The following CNBD1 variants were observed in gnomAD, a reference collection of about 807,000 sequenced individuals.
The protein encoded by CNBD1 is cyclic nucleotide-binding domain-containing protein 1.
CNBD1 carries 71 observed loss-of-function variants against 54.4 expected under a neutral mutation model. The ratio of observed to expected loss-of-function variants is 1.30; its 90% CI spans 1.08 to 1.59. The LOEUF (loss-of-function observed/expected upper bound fraction) is 1.59. CNBD1 is among the 40% of genes most tolerant of loss of function. The probability of loss-of-function intolerance (pLI) is 0.00; values close to 1 mark genes in which losing one functional copy is unlikely to be tolerated. For missense variants in CNBD1, 659 were observed against 518.0 expected, an observed-to-expected ratio of 1.27 and a Z score of -2.64; for synonymous variants, 182 against 170.7, an observed-to-expected ratio of 1.07 and a Z score of -0.51.
rs1809658679 is a variant in CNBD1 at position 86,941,667 on chromosome 8, A to AG, written c.431+1915dup. 2.0e-5 allele frequency among the ~76,000 whole-genome samples: 3 copies of AG among 152,340 alleles called. No individual in the cohort carries two copies. The East Asian group carries it at 5.8e-4, about 29-fold the overall frequency. ...CAGGAGGTAAATCTAGGTCAATGTC[A>AG]GGATGGAAACTACAAATGGGTAAGA... On this transcript the variant is annotated intron_variant, in intron 4 of 10. Coordinates refer to ENST00000518476, the MANE Select transcript of CNBD1 (RefSeq NM_173538.3).
At chr8:87,147,320 AT>A (rs896591687) in intron 4 of CNBD1, among the ~76,000 whole-genome samples, 1 of 151,972 alleles carries the variant, frequency 6.6e-6, no homozygotes, top group Admixed American at 6.6e-5. Context: ...CCTCATCACT[AT>A]TTTTCACACA....
intron 6 of CNBD1, among the ~76,000 whole-genome samples, chr8:87,237,809 C>A: frequency 6.6e-6 from 1 of 152,014 alleles, no homozygotes; most frequent in African/African-American, 2.4e-5. Context: ...AAATCCAGAA[C>A]TAATATCATA....
At position 87,299,534 on chromosome 8, in the gene CNBD1, T is replaced by C. The variant is rs1808944179; in HGVS notation, c.1042+12863T>C. Among the ~76,000 whole-genome samples, 4 of 152,296 alleles carry C rather than the reference T, an allele frequency of 2.6e-5. No individual in the cohort carries two copies. In the South Asian group the frequency reaches 8.3e-4, roughly 32 times the overall value. On this transcript the variant is annotated intron_variant, in intron 8 of 10. Coordinates refer to ENST00000518476, the MANE Select transcript of CNBD1 (RefSeq NM_173538.3). Reference sequence around the variant, plus strand: ...TAAATGAAATAAGTCTTTGGGAACATGCAGTCCTGAATTAGATCCAAATGC... The same window carrying C: ...TAAATGAAATAAGTCTTTGGGAACACGCAGTCCTGAATTAGATCCAAATGC...
At chr8:86,968,084 G>T (rs1212086065) in intron 4 of CNBD1, among the ~76,000 whole-genome samples, 1 of 152,052 alleles carries the variant, frequency 6.6e-6, no homozygotes, top group Non-Finnish European at 1.5e-5. Flanking sequence ...GGCTAGAGTG[G>T]GTTGAAGTTG....
At position 87,261,140 on chromosome 8, in the gene CNBD1, C is replaced by T. The variant is rs558784429; in HGVS notation, c.772-23538C>T. 2.4e-4 allele frequency among the ~76,000 whole-genome samples: 36 copies of T among 152,238 alleles called. 1 individual carries two copies. In the South Asian group the frequency reaches 5.0e-3, roughly 21 times the overall value. On this transcript the variant is annotated intron_variant, in intron 6 of 10. Coordinates refer to ENST00000518476, the MANE Select transcript of CNBD1 (RefSeq NM_173538.3). ...TTAATTCCCAAATACAATTTGTTCC[C>T]GGACCCAGTCCAGTTTCTATCATGA...
intron 1 of CNBD1, among the ~76,000 whole-genome samples, chr8:86,879,852 A>T (rs1189828143): frequency 6.8e-6 from 1 of 147,230 alleles, no homozygotes; most frequent in Non-Finnish European, 1.5e-5. Context: ...AGCCTGGGCG[A>T]CAGAGCGAGA....
rs567735428 is a variant in CNBD1 at position 87,263,395 on chromosome 8, A to T, written c.772-21283A>T. On this transcript the variant is annotated intron_variant, in intron 6 of 10. Transcript: ENST00000518476. The stretch of plus-strand genomic sequence containing the variant: ...GTATGCATAATTTGAATTGGGCAAC[A>T]TGTATAGCTAGTTGAATACATTATT... Among the ~76,000 whole-genome samples the T allele has an allele frequency of 1.4e-4, 21 of 152,254 alleles. 1 individual carries two copies. The South Asian group carries it at 4.4e-3, about 32-fold the overall frequency.
chr8:87,031,826 CA>C (rs1393030702), intron 4 of CNBD1, among the ~76,000 whole-genome samples: 1 of 152,100 alleles, frequency 6.6e-6, no homozygotes, highest in African/African-American at 2.4e-5. Flanking sequence ...CCATAAACTC[CA>C]CCCCCCAGGT....
At chr8:86,953,738 G>C (rs1487075014) in intron 4 of CNBD1, among the ~76,000 whole-genome samples, 1 of 152,016 alleles carries the variant, frequency 6.6e-6, no homozygotes, top group Non-Finnish European at 1.5e-5. Flanking sequence ...ATGATGGTGG[G>C]TGCCTGTAAT....
chr8:87,333,190 T>C lies in CNBD1; in HGVS notation c.1043-18495T>C, dbSNP rs191042259. On this transcript the variant is annotated intron_variant, in intron 8 of 10. Coordinates refer to ENST00000518476, the MANE Select transcript of CNBD1 (RefSeq NM_173538.3). ...TCTCTGCTTGTTGATTGTTGATGTATAGGAATGCTTGTCATTTTTGCACAT... is the reference window on the plus strand; with the variant it reads ...TCTCTGCTTGTTGATTGTTGATGTACAGGAATGCTTGTCATTTTTGCACAT... 3.0e-3 allele frequency among the ~76,000 whole-genome samples: 451 copies of C among 152,266 alleles called. 2 individuals carry two copies. The highest frequency in any genetic ancestry group is 0.01 in the African/African-American group (419 of 41,532).
At chr8:86,929,461 T>C (rs1809420127) in intron 3 of CNBD1, among the ~76,000 whole-genome samples, 1 of 152,218 alleles carries the variant, frequency 6.6e-6, no homozygotes. Flanking sequence ...TAACCTGCCC[T>C]TCATATCCCA....
chr8:86,975,728 C>T (rs762976003), intron 4 of CNBD1, among the ~76,000 whole-genome samples: 9 of 151,912 alleles, frequency 5.9e-5, no homozygotes, highest in Non-Finnish European at 1.0e-4. Context: ...GATTTCCATT[C>T]CGTTGGAGAT....
At chr8:87,248,378 C>T (rs1729956675) in intron 6 of CNBD1, among the ~76,000 whole-genome samples, 1 of 152,206 alleles carries the variant, frequency 6.6e-6, no homozygotes, top group African/African-American at 2.4e-5. Flanking sequence ...CAACCTTCAC[C>T]AGTAGTAAAA....
At chr8:86,957,761 T>G (rs879866672) in intron 4 of CNBD1, among the ~76,000 whole-genome samples, 1 of 152,180 alleles carries the variant, frequency 6.6e-6, no homozygotes, top group Non-Finnish European at 1.5e-5. Flanking sequence ...TCAATTTTGT[T>G]GATCTTTTCA....
In CNBD1 at chr8:87,427,657, T is replaced by C. The variant is rs115827675; in HGVS notation, c.214-889T>C. On this transcript the variant is annotated intron_variant, in intron 2 of 7. Coordinates refer to the CNBD1 transcript ENST00000521593. ...TGTTTATATAAATAATTTAAAATGC[T>C]TTCATCACAAGTAAAAAGTGAAGTA... Among the ~76,000 whole-genome samples the C allele has an allele frequency of 9.7e-3, 1,482 of 152,330 alleles. 21 individuals are homozygous for C. Among genetic ancestry groups the C allele is most frequent in the African/African-American group, 0.033 (1,367 of 41,590 alleles).
chr8:87,024,313 T>C (rs1182021532), intron 4 of CNBD1, among the ~76,000 whole-genome samples: 1 of 151,320 alleles, frequency 6.6e-6, no homozygotes, highest in African/African-American at 2.4e-5. Context: ...TTTTTAAAAT[T>C]TATTTTATTT....
chr8:87,157,240 T>A lies in CNBD1; in HGVS notation c.432-48753T>A, dbSNP rs1424108808. 2.6e-5 allele frequency among the ~76,000 whole-genome samples: 4 copies of A among 152,352 alleles called. No homozygotes were observed. In the East Asian group the frequency reaches 7.7e-4, roughly 29 times the overall value. On this transcript the variant is annotated intron_variant, in intron 4 of 10. Coordinates refer to ENST00000518476, the MANE Select transcript of CNBD1 (RefSeq NM_173538.3). Reference sequence around the variant, plus strand: ...CAATGCACTTTCTTTTATAATCTACTTTTTTATCATTGGTCTGGCTAATTT... The same window carrying A: ...CAATGCACTTTCTTTTATAATCTACATTTTTATCATTGGTCTGGCTAATTT...
chr8:87,329,471 G>A (rs1052230655), intron 8 of CNBD1, among the ~76,000 whole-genome samples: 3 of 152,032 alleles, frequency 2.0e-5, no homozygotes, highest in African/African-American at 2.4e-5. Context: ...ATATTGCATA[G>A]CATCTGTATA....
At chr8:87,327,281 G>T (rs925700358) in intron 8 of CNBD1, among the ~76,000 whole-genome samples, 2 of 148,990 alleles carry the variant, frequency 1.3e-5, no homozygotes, top group Non-Finnish European at 3.0e-5. Flanking sequence ...TGCCCCCAGA[G>T]GTGGAGCCTA....
Sources: allele counts gnomAD v4.1 joint callset (sites outside exome capture counted in the v4.1 genomes callset), GRCh38; gene constraint gnomAD v4.1.1; transcripts MANE v1.5; gene names NCBI Gene and HGNC (gene_info 2026-07-23, HGNC 2026-07-21).